The following RORA variants were observed in gnomAD, a reference collection of about 807,000 sequenced individuals.
RORA encodes RAR related orphan receptor A.
RORA carries 7 observed loss-of-function variants against 69.5 expected under a neutral mutation model. That is an observed-to-expected ratio of 0.10 (90% CI 0.06 to 0.19). The LOEUF (loss-of-function observed/expected upper bound fraction) is 0.19. RORA is among the 10% of genes least tolerant of loss of function. The pLI is 1.00. For synonymous variants in RORA, 261 were observed against 240.8 expected, an observed-to-expected ratio of 1.08 and a Z score of -0.78; for missense variants, 457 against 663.0, an observed-to-expected ratio of 0.69 and a Z score of 3.41.
intron 1 of RORA, among the ~76,000 whole-genome samples, chr15:60,908,508 C>T (rs530758713): frequency 3.9e-5 from 6 of 152,094 alleles, no homozygotes; most frequent in African/African-American, 7.2e-5. Flanking sequence ...CAGGGGTAGG[C>T]GGCACTATTA....
intron 2 of RORA, among the ~76,000 whole-genome samples, chr15:60,657,093 A>G (rs1311838272): frequency 6.6e-6 from 1 of 152,184 alleles, no homozygotes; most frequent in East Asian, 1.9e-4. Flanking sequence ...CACCGTGAAT[A>G]TTAGAAACCA....
chr15:61,047,723 C>T (rs1278472942), intron 1 of RORA, among the ~76,000 whole-genome samples: 4 of 152,150 alleles, frequency 2.6e-5, no homozygotes, highest in African/African-American at 7.2e-5. Context: ...TCTGATAGTA[C>T]ACATAAAATT....
chr15:61,065,990 T>C lies in RORA; in HGVS notation c.166+163063A>G, dbSNP rs574852660. 2.6e-5 allele frequency among the ~76,000 whole-genome samples: 4 copies of C among 152,376 alleles called. No homozygotes were observed. In the South Asian group the frequency reaches 8.3e-4, roughly 32 times the overall value. On this transcript the variant is annotated intron_variant, in intron 1 of 10. Transcript: ENST00000335670. ...AATATCTCAGTGGAAAGCCAACAAC[T>C]GAATCCCATGCTCAATTTTCCTCTT...
At chr15:60,687,981 C>T (rs1411145560) in intron 1 of RORA, among the ~76,000 whole-genome samples, 1 of 152,190 alleles carries the variant, frequency 6.6e-6, no homozygotes, top group African/African-American at 2.4e-5. Flanking sequence ...AAGATTTCTT[C>T]TTTCATTCTA....
At chr15:60,787,319 GT>G (rs1390471719) in intron 1 of RORA, among the ~76,000 whole-genome samples, 1 of 152,152 alleles carries the variant, frequency 6.6e-6, no homozygotes, top group Non-Finnish European at 1.5e-5. Context: ...TCCCTTTCTT[GT>G]TTGTTTGGAA....
intron 1 of RORA, among the ~76,000 whole-genome samples, chr15:61,132,534 A>T (rs2079200070): frequency 1.3e-5 from 2 of 152,226 alleles, no homozygotes; most frequent in Admixed American, 1.3e-4. Flanking sequence ...ATACTTTAAT[A>T]AGTAAGGTCA....
intron 1 of RORA, among the ~76,000 whole-genome samples, chr15:60,800,438 G>A (rs1033333059): frequency 1.3e-5 from 2 of 152,292 alleles, no homozygotes; most frequent in Middle Eastern, 3.4e-3. Flanking sequence ...TGGTAACAGC[G>A]TCTCTGACTC....
intron 1 of RORA, among the ~76,000 whole-genome samples, chr15:60,946,987 T>G (rs945365461): frequency 6.7e-6 from 1 of 149,974 alleles, no homozygotes; most frequent in South Asian, 2.1e-4. Flanking sequence ...AGCCCCTCCG[T>G]CCGGCAGCCG....
chr15:60,589,936 C>A (rs949626675), intron 2 of RORA, among the ~76,000 whole-genome samples: 1 of 152,128 alleles, frequency 6.6e-6, no homozygotes, highest in African/African-American at 2.4e-5. Context: ...CACATGGAAC[C>A]AATTTAACTA....
At chr15:60,576,619 C>T (rs1232010966) in intron 2 of RORA, among the ~76,000 whole-genome samples, 1 of 152,222 alleles carries the variant, frequency 6.6e-6, no homozygotes, top group Non-Finnish European at 1.5e-5. Flanking sequence ...GGAACTGATT[C>T]TGCCAAGTGT....
chr15:61,216,108 T>TA (rs1262214907), intron 1 of RORA, among the ~76,000 whole-genome samples: 1 of 152,192 alleles, frequency 6.6e-6, no homozygotes, highest in Non-Finnish European at 1.5e-5. Flanking sequence ...GCTATGCCTC[T>TA]ACTCCTTGAA....
chr15:61,103,176 G>A (rs994781856), intron 1 of RORA, among the ~76,000 whole-genome samples: 1 of 152,200 alleles, frequency 6.6e-6, no homozygotes, highest in African/African-American at 2.4e-5. Flanking sequence ...CATGGAGAAG[G>A]CATGGTGAGA....
intron 1 of RORA, among the ~76,000 whole-genome samples, chr15:60,815,272 T>C (rs957865982): frequency 7.2e-5 from 11 of 152,176 alleles, no homozygotes; most frequent in African/African-American, 2.7e-4. Flanking sequence ...TGTGTTATTA[T>C]TGCATTTAAG....
chr15:60,546,284 T>C (rs566720203), intron 2 of RORA: 2 of 152,296 alleles, frequency 1.3e-5, no homozygotes, highest in Admixed American at 6.5e-5. Flanking sequence ...TTAGGACAAA[T>C]TGTTATTTGG....
intron 1 of RORA, among the ~76,000 whole-genome samples, chr15:60,824,980 G>A (rs1027695564): frequency 7.9e-5 from 12 of 152,190 alleles, no homozygotes; most frequent in South Asian, 4.1e-4. Context: ...ATGGGCTAAC[G>A]TAGGACTGTA....
intron 2 of RORA, among the ~76,000 whole-genome samples, chr15:60,655,690 T>C (rs2070211721): frequency 6.6e-6 from 1 of 152,126 alleles, no homozygotes; most frequent in Non-Finnish European, 1.5e-5. Context: ...TCTTTGGATG[T>C]TCATTTTCGT....
In RORA at chr15:60,801,471, G is replaced by A. The variant is rs543508262; in HGVS notation, c.167-122785C>T. ...ACCCAGAGGCTCAGGAATACAGAACGGCTGTCTTGAGAATGAGCGTTTTTT... is the reference window on the plus strand; with the variant it reads ...ACCCAGAGGCTCAGGAATACAGAACAGCTGTCTTGAGAATGAGCGTTTTTT... On this transcript the variant is annotated intron_variant, in intron 1 of 10. Transcript: ENST00000335670. 8.5e-5 allele frequency among the ~76,000 whole-genome samples: 13 copies of A among 152,284 alleles called. 1 individual carries two copies. In the South Asian group the frequency reaches 2.5e-3, roughly 29 times the overall value.
chr15:61,129,474 T>C (rs1435508804), intron 1 of RORA, among the ~76,000 whole-genome samples: 3 of 152,058 alleles, frequency 2.0e-5, no homozygotes, highest in Non-Finnish European at 4.4e-5. Context: ...GATCGCTTAA[T>C]GGGTACAGGG....
At chr15:60,883,148 AAAAGAAAGAG>A (rs1157545614) in intron 1 of RORA, among the ~76,000 whole-genome samples, 711 of 38,994 alleles carry the variant, frequency 0.018, 13 homozygotes, top group African/African-American at 0.049. Context: ...AAAAAAAAAA[AAAAGAAAGAG>A]AGAGAGAGAG....
Sources: allele counts gnomAD v4.1 joint callset (sites outside exome capture counted in the v4.1 genomes callset), GRCh38; gene constraint gnomAD v4.1.1; transcripts MANE v1.5; gene names NCBI Gene and HGNC (gene_info 2026-07-23, HGNC 2026-07-21).